The following CCDC33 variants were observed in gnomAD, a reference collection of about 807,000 sequenced individuals.
CCDC33 encodes the protein coiled-coil domain-containing protein 33.
In CCDC33, 94 loss-of-function variants were observed where a neutral mutation model predicts 91.9. The observed-to-expected ratio is 1.02, with a 90% CI of 0.87 to 1.21. The LOEUF (loss-of-function observed/expected upper bound fraction) is 1.21. CCDC33 is among the 50% of genes most tolerant of loss of function. The pLI is 0.00. For synonymous variants in CCDC33, 396 were observed against 374.5 expected, an observed-to-expected ratio of 1.06 and a Z score of -0.66; for missense variants, 940 against 935.5, an observed-to-expected ratio of 1.00 and a Z score of -0.06.
rs148422167 is a variant in CCDC33 at position 74,265,036 on chromosome 15, C to T, written c.320-1642C>T. 2.0e-4 allele frequency among the ~76,000 whole-genome samples: 31 copies of T among 152,284 alleles called. No homozygotes were observed. The East Asian group carries it at 5.8e-3, about 28-fold the overall frequency. On this transcript the variant is annotated intron_variant, in intron 3 of 18. Transcript: ENST00000398814. ...TTGAGCATGGATCCCATATGACAAG[C>T]TCTTGAGATACCTTGGCAAGTGTTC...
At chr15:74,328,257 G>A (rs1183066388) in intron 11 of CCDC33, among the ~76,000 whole-genome samples, 1 of 152,224 alleles carries the variant, frequency 6.6e-6, no homozygotes, top group South Asian at 2.1e-4. Flanking sequence ...AGGAGGAAGA[G>A]GAAGGGGTCT....
chr15:74,293,923 GA>G (rs2059631443), intron 10 of CCDC33, among the ~76,000 whole-genome samples: 1 of 152,212 alleles, frequency 6.6e-6, no homozygotes, highest in Admixed American at 6.5e-5. Context: ...GACATGGCCA[GA>G]AACATCTTCA....
rs570024104 is a variant in CCDC33 at position 74,244,374 on chromosome 15, C to T, written c.185+226C>T. On this transcript the variant is annotated intron_variant, in intron 2 of 18. Transcript: ENST00000398814. The surrounding 1 kb of genome is among the most constrained non-coding windows in gnomAD (Gnocchi z 4.2). ...CCAACGGATCCAGAGAGTCACCCCT[C>T]CCCACCCCACACCAGTGGGGCAGGG... Among the ~76,000 whole-genome samples, 1 of 152,280 alleles carries T rather than the reference C, an allele frequency of 6.6e-6. No homozygotes were observed. Among genetic ancestry groups the T allele is most frequent in the South Asian group, 2.1e-4 (1 of 4,826 alleles).
intron 2 of CCDC33, among the ~76,000 whole-genome samples, chr15:74,230,547 A>G (rs111591357): frequency 3.9e-5 from 6 of 152,234 alleles, no homozygotes; most frequent in African/African-American, 1.4e-4. Flanking sequence ...GTGGTTGCCA[A>G]ATGCCAAGAG....
At chr15:74,269,090 C>G (rs1169696266) in intron 5 of CCDC33, among the ~76,000 whole-genome samples, 1 of 151,954 alleles carries the variant, frequency 6.6e-6, no homozygotes, top group Non-Finnish European at 1.5e-5. Context: ...CCATCCACCC[C>G]CTAGGCCAAT....
At chr15:74,318,589 G>A in intron 11 of CCDC33, 2 of 734,168 alleles carry the variant, frequency 2.7e-6, no homozygotes, top group Non-Finnish European at 5.0e-6. Context: ...TAGCAGTAAA[G>A]ATGGGGGAGC....
At chr15:74,253,970 CT>C (rs1441883910) in intron 2 of CCDC33, among the ~76,000 whole-genome samples, 3 of 152,044 alleles carry the variant, frequency 2.0e-5, no homozygotes, top group Non-Finnish European at 4.4e-5. Context: ...CCACCTTGGC[CT>C]CACAAAGTGC....
At chr15:74,300,938 C>T (rs763165637) in intron 11 of CCDC33, 1 of 152,280 alleles carries the variant, frequency 6.6e-6, no homozygotes, top group Admixed American at 6.5e-5. Flanking sequence ...ATTTGGTCAA[C>T]ATGGTACAAA....
chr15:74,298,857 C>G (rs1256837585), intron 11 of CCDC33, among the ~76,000 whole-genome samples: 1 of 151,946 alleles, frequency 6.6e-6, no homozygotes, highest in Non-Finnish European at 1.5e-5. Flanking sequence ...GGATTACAGG[C>G]GGGCGCCACC....
intron 1 of CCDC33, chr15:74,207,730 T>G: frequency 6.5e-7 from 1 of 1,535,708 alleles, no homozygotes; most frequent in Non-Finnish European, 8.7e-7. Flanking sequence ...AGTCCATGAA[T>G]AAGCAGCCGA....
intron 11 of CCDC33, among the ~76,000 whole-genome samples, chr15:74,326,351 G>A (rs1014575647): frequency 1.3e-5 from 2 of 152,196 alleles, no homozygotes; most frequent in African/African-American, 4.8e-5. Context: ...CTCAGAAGGT[G>A]GTGGAGGAAA....
At chr15:74,237,648 A>G (rs1468850060) in intron 1 of CCDC33, among the ~76,000 whole-genome samples, 1 of 151,680 alleles carries the variant, frequency 6.6e-6, no homozygotes, top group Non-Finnish European at 1.5e-5. Context: ...CCTCCCCATT[A>G]AGCCTCTTTC....
intron 5 of CCDC33, 36 bp downstream of exon 5, chr15:74,268,494 G>A: frequency 6.9e-7 from 1 of 1,449,964 alleles, no homozygotes; most frequent in South Asian, 1.2e-5. Flanking sequence ...TGGTGGTGGG[G>A]GTGGGAAAGG....
chr15:74,209,127 A>G, intron 1 of CCDC33: 1 of 1,308,020 alleles, frequency 7.6e-7, no homozygotes, highest in Non-Finnish European at 9.8e-7. Flanking sequence ...GATCAGAGGA[A>G]CCCACCCCAC....
At chr15:74,268,916 G>T (rs2076243252) in intron 5 of CCDC33, among the ~76,000 whole-genome samples, 1 of 152,238 alleles carries the variant, frequency 6.6e-6, no homozygotes, top group Admixed American at 6.5e-5. Flanking sequence ...GCCTCCTTGA[G>T]CTTTCCTTCA....
At chr15:74,298,381 T>G (rs1434243109) in intron 11 of CCDC33, among the ~76,000 whole-genome samples, 1 of 152,090 alleles carries the variant, frequency 6.6e-6, no homozygotes, top group South Asian at 2.1e-4. Flanking sequence ...AGGTAGGCAA[T>G]ATAAACAATG....
intron 1 of CCDC33, among the ~76,000 whole-genome samples, chr15:74,238,816 G>T (rs1180572572): frequency 1.3e-5 from 2 of 152,194 alleles, no homozygotes; most frequent in African/African-American, 4.8e-5. Context: ...CACATCCAAG[G>T]AAGCATGGTT....
downstream of CCDC33, chr15:74,336,387 G>A (rs192005340): frequency 1.9e-5 from 25 of 1,325,168 alleles, no homozygotes; most frequent in Middle Eastern, 6.1e-4. Flanking sequence ...GGCCACCAGA[G>A]ACCAGCTCTG....
intron 2 of CCDC33, chr15:74,209,740 G>A: frequency 7.8e-6 from 3 of 385,700 alleles, no homozygotes; most frequent in Admixed American, 4.3e-5. Flanking sequence ...CTTCCTAGAG[G>A]GGGTATCCTG....
Sources: gnomAD v4.1 joint callset for allele counts (sites outside exome capture counted in the v4.1 genomes callset) on GRCh38, gnomAD v4.1.1 for gene constraint, Gnocchi (gnomAD v3.1) non-coding constraint, MANE v1.5 for transcripts, NCBI Gene and HGNC (gene_info 2026-07-23, HGNC 2026-07-21) for gene names.